Variants in SAXO1 observed in about 807,000 individuals in gnomAD.
SAXO1 encodes the protein stabilizer of axonemal microtubules 1.
SAXO1 carries 21 observed loss-of-function variants against 17.5 expected under a neutral mutation model. The observed-to-expected ratio is 1.20, with a 90% confidence interval of 0.85 to 1.72. The LOEUF is 1.72. Among genes scored for constraint, SAXO1 ranks in the 40% most tolerant of loss-of-function variants. The probability of loss-of-function intolerance (pLI) is 0.00; values close to 1 mark genes in which losing one functional copy is unlikely to be tolerated. For synonymous variants in SAXO1, 274 were observed against 216.5 expected, an observed-to-expected ratio of 1.27 and a Z score of -2.33; for missense variants, 843 against 596.0, an observed-to-expected ratio of 1.41 and a Z score of -4.32.
intron 1 of SAXO1, among the ~76,000 whole-genome samples, chr9:19,030,219 G>A (rs1835695086): frequency 6.6e-6 from 1 of 152,066 alleles, no homozygotes; most frequent in South Asian, 2.1e-4. Flanking sequence ...CCACTCAGGG[G>A]ATGCCAAGAA....
chr9:18,985,015 C>G lies in SAXO1; in HGVS notation c.39-34078G>C, dbSNP rs576092497. On this transcript the variant is annotated intron_variant, in intron 1 of 3. Transcript: ENST00000380534. Reference sequence around the variant, plus strand: ...ATTGCCCTAATTTCAATTATTTGTACTAATTTCAAATATTTGCCCTATTTT... The same window carrying G: ...ATTGCCCTAATTTCAATTATTTGTAGTAATTTCAAATATTTGCCCTATTTT... 4.6e-5 allele frequency among the ~76,000 whole-genome samples: 7 copies of G among 152,128 alleles called. No individual in the cohort carries two copies. In the South Asian group the frequency reaches 1.0e-3, roughly 23 times the overall value.
intron 3 of SAXO1, among the ~76,000 whole-genome samples, chr9:18,940,045 G>A (rs1265892695): frequency 3.3e-5 from 5 of 152,210 alleles, no homozygotes; most frequent in Non-Finnish European, 7.3e-5. Context: ...AAGAGAGAGG[G>A]ACTCTCGGCT....
At chr9:19,030,342 T>C (rs1208777083) in intron 1 of SAXO1, among the ~76,000 whole-genome samples, 3 of 149,928 alleles carry the variant, frequency 2.0e-5, no homozygotes, top group African/African-American at 7.4e-5. Flanking sequence ...ACCAGGGAGG[T>C]TGTAACCGGA....
chr9:18,965,732 T>G (rs1056409576), intron 1 of SAXO1, among the ~76,000 whole-genome samples: 2 of 152,214 alleles, frequency 1.3e-5, no homozygotes, highest in African/African-American at 2.4e-5. Flanking sequence ...TTGGAGCATT[T>G]AGCCCATTTA....
rs754140662 is a variant in SAXO1, at chr9:18,928,160, AC to A, written c.1316del (p.Gly439ValfsTer21). On this transcript the variant is annotated frameshift_variant, in exon 4 of 4. Coordinates refer to ENST00000380534, the MANE Select transcript of SAXO1 (RefSeq NM_153707.4). LOFTEE classifies it low-confidence loss of function (END_TRUNC). ...GGGAAACTGGTTTGTATATCCTGTGACCCAAAGCATCCACTTCCTCAAAGGT... is the reference window on the plus strand; with the variant it reads ...GGGAAACTGGTTTGTATATCCTGTGACCAAAGCATCCACTTCCTCAAAGGT... ...GYTFEEVDAL[G>X]HRIYKPVSQA... 3.1e-6 allele frequency: 5 copies of A among 1,614,040 alleles called. No individual in the cohort carries two copies. In the African/African-American group the frequency reaches 6.7e-5, roughly 22 times the overall value.
At chr9:19,046,891 T>A (rs1476270093) in intron 1 of SAXO1, among the ~76,000 whole-genome samples, 1 of 151,568 alleles carries the variant, frequency 6.6e-6, no homozygotes, top group African/African-American at 2.4e-5. Flanking sequence ...AAAATTTTTT[T>A]AAAAAGAAAA....
intron 1 of SAXO1, among the ~76,000 whole-genome samples, chr9:19,045,008 C>T (rs1399426307): frequency 6.6e-6 from 1 of 151,922 alleles, no homozygotes; most frequent in African/African-American, 2.4e-5. Flanking sequence ...GTTTGAAGAG[C>T]TCTTTAAGAT....
chr9:19,029,298 C>T (rs530413226), intron 1 of SAXO1, among the ~76,000 whole-genome samples: 1 of 152,294 alleles, frequency 6.6e-6, no homozygotes, highest in East Asian at 1.9e-4. Flanking sequence ...CTCTCTCCCT[C>T]CCTGGCAGCC....
intron 1 of SAXO1, among the ~76,000 whole-genome samples, chr9:19,042,442 G>A (rs985461839): frequency 6.6e-6 from 1 of 152,194 alleles, no homozygotes; most frequent in Non-Finnish European, 1.5e-5. Context: ...CCACTGCTGG[G>A]TATATACCCA....
chr9:18,990,638 ACAG>A lies in SAXO1; in HGVS notation c.39-39704_39-39702del, dbSNP rs572494463. Among the ~76,000 whole-genome samples, 30 of 152,318 alleles carry A rather than the reference ACAG, an allele frequency of 2.0e-4. 1 individual carries two copies. In the South Asian group the frequency reaches 6.2e-3, roughly 32 times the overall value. On this transcript the variant is annotated intron_variant, in intron 1 of 3. Coordinates refer to ENST00000380534, the MANE Select transcript of SAXO1 (RefSeq NM_153707.4). ...CGTAGCCTGTTAGGAACCAGGCTGC[ACAG>A]CAGAAGGTGAGTGGCAGGCGAGCAA...
intron 1 of SAXO1, among the ~76,000 whole-genome samples, chr9:19,048,108 A>G (rs982604338): frequency 6.6e-6 from 1 of 152,238 alleles, no homozygotes; most frequent in Non-Finnish European, 1.5e-5. Context: ...GTAGGAATTA[A>G]AATATTTTTT....
intron 3 of SAXO1, among the ~76,000 whole-genome samples, chr9:18,933,866 G>A (rs1379295560): frequency 6.6e-6 from 1 of 152,094 alleles, no homozygotes; most frequent in Non-Finnish European, 1.5e-5. Flanking sequence ...CCAACATGGT[G>A]AAACCCTGTC....
intron 1 of SAXO1, among the ~76,000 whole-genome samples, chr9:19,030,718 T>A (rs559741496): frequency 1.1e-4 from 16 of 151,842 alleles, no homozygotes; most frequent in East Asian, 5.8e-4. Context: ...AATAAAAAAA[T>A]AAGAAGAAGA....
intron 3 of SAXO1, among the ~76,000 whole-genome samples, chr9:18,933,453 A>G (rs1307418069): frequency 1.3e-5 from 2 of 152,250 alleles, no homozygotes; most frequent in East Asian, 3.8e-4. Flanking sequence ...AACAAAGAAA[A>G]GTATATATTT....
At chr9:18,979,938 A>G (rs1036928339) in intron 1 of SAXO1, among the ~76,000 whole-genome samples, 1 of 152,216 alleles carries the variant, frequency 6.6e-6, no homozygotes, top group African/African-American at 2.4e-5. Flanking sequence ...AAGAGAAAAT[A>G]AAGAGTTAAG....
chr9:18,938,867 T>TGTGTGTGTGTATGTGTGTGTG (rs1831426583), intron 3 of SAXO1, among the ~76,000 whole-genome samples: 1 of 151,268 alleles, frequency 6.6e-6, no homozygotes, highest in Admixed American at 6.6e-5. Context: ...TGTGTGTGTG[T>TGTGTGTGTGTATGTGTGTGTG]TGAGCGGTAA....
chr9:19,025,442 A>G (rs567568896), intron 1 of SAXO1, among the ~76,000 whole-genome samples: 174 of 152,356 alleles, frequency 1.1e-3, no homozygotes, highest in Non-Finnish European at 2.1e-3. Context: ...TTCCATCGAT[A>G]TGAAGAAAAT....
chr9:19,023,220 A>C (rs1342865212), intron 1 of SAXO1, among the ~76,000 whole-genome samples: 2 of 139,806 alleles, frequency 1.4e-5, no homozygotes, highest in African/African-American at 5.4e-5. Context: ...AAACAATCCT[A>C]ACTCTCTTCT....
intron 3 of SAXO1, 81 bp downstream of exon 3, chr9:18,941,556 T>A: frequency 6.6e-7 from 1 of 1,511,060 alleles, no homozygotes. Context: ...ACTAACTGAG[T>A]ATGCACATAA....
Sources: allele counts gnomAD v4.1 joint callset (sites outside exome capture counted in the v4.1 genomes callset), GRCh38; gene constraint gnomAD v4.1.1; transcripts MANE v1.5; gene names NCBI Gene and HGNC (gene_info 2026-07-23, HGNC 2026-07-21).